The following ZNF730 variants were observed in gnomAD, a reference collection of about 807,000 sequenced individuals.
ZNF730 encodes putative zinc finger protein 730.
In ZNF730, 12 loss-of-function variants were observed where a neutral mutation model predicts 12.6. That is an observed-to-expected ratio of 0.95 (90% CI 0.61 to 1.54). The LOEUF (loss-of-function observed/expected upper bound fraction) is 1.54, where lower values mean the gene tolerates loss of function less well. ZNF730 is among the 40% of genes most tolerant of loss of function. The pLI, the probability that ZNF730 is intolerant of heterozygous loss-of-function variation, is 0.00. For synonymous variants in ZNF730, 194 were observed against 195.8 expected, an observed-to-expected ratio of 0.99 and a Z score of 0.08; for missense variants, 643 against 583.5, an observed-to-expected ratio of 1.10 and a Z score of -1.05.
chr19:23,082,492 G>A (rs1219570318), intron 1 of ZNF730, among the ~76,000 whole-genome samples: 1 of 151,242 alleles, frequency 6.6e-6, no homozygotes, highest in Non-Finnish European at 1.5e-5. Context: ...GATTACAGGC[G>A]CCCGCCTCCA....
chr19:23,089,275 C>T (rs1441819827), intron 1 of ZNF730, among the ~76,000 whole-genome samples: 3 of 150,042 alleles, frequency 2.0e-5, no homozygotes, highest in East Asian at 2.0e-4. Flanking sequence ...GGTGTGATCT[C>T]GGCTTCTGGC....
Position 23,146,344 on chromosome 19 carries a change from A to G in ZNF730, c.1300A>G (p.Asn434Asp). ...ATGTGAAGAATGTGGCAGAGCTTTCAACCAGTCCTCAACCCTTACTACACA... is the reference window on the plus strand; with the variant it reads ...ATGTGAAGAATGTGGCAGAGCTTTCGACCAGTCCTCAACCCTTACTACACA... Reference protein sequence around the residue: ...YKCEECGRAFNQSSTLTTHKR... With the variant: ...YKCEECGRAFDQSSTLTTHKR... Residue 434 changes from asparagine (N) to aspartate (D), a missense_variant, in exon 4 of 4, where the codon AAC (asparagine) becomes GAC (aspartate). Asn to Asp is a conservative substitution (Grantham distance 23). Coordinates refer to ENST00000597761, the MANE Select transcript of ZNF730 (RefSeq NM_001277403.2). 1 of 1,613,548 alleles carries G rather than the reference A, an allele frequency of 6.2e-7. No individual in the cohort carries two copies. The highest frequency in any genetic ancestry group is 1.3e-5 in the African/African-American group (1 of 74,870).
intron 1 of ZNF730, chr19:23,124,055 T>C (rs981861368): frequency 1.6e-4 from 24 of 152,214 alleles, no homozygotes; most frequent in Admixed American, 1.5e-3. Flanking sequence ...AGGCCTGCAG[T>C]CTCCTCTCCC....
chr19:23,119,515 A>T (rs928276262), intron 1 of ZNF730, among the ~76,000 whole-genome samples: 1 of 152,188 alleles, frequency 6.6e-6, no homozygotes. Flanking sequence ...TATCTCTGCC[A>T]GATTTTGGTA....
intron 1 of ZNF730, among the ~76,000 whole-genome samples, chr19:23,101,631 G>A (rs1216577808): frequency 6.6e-6 from 1 of 152,032 alleles, no homozygotes; most frequent in Non-Finnish European, 1.5e-5. Flanking sequence ...CCTTGATGGT[G>A]CAATCTCCGC....
Position 23,135,975 on chromosome 19 carries a change from T to A in ZNF730, c.158T>A (p.Ile53Asn). ...LGIAVSKPDL[I>N]TCLEQEKEPW... is the part of the protein sequence containing the mutation. ...ATTGCTGTCTCAAAGCCAGACCTGATCACCTGTCTGGAGCAAGAAAAAGAG... is the reference window on the plus strand; with the variant it reads ...ATTGCTGTCTCAAAGCCAGACCTGAACACCTGTCTGGAGCAAGAAAAAGAG... Residue 53 changes from isoleucine (I) to asparagine (N), a missense_variant, in exon 3 of 4, where the codon ATC becomes AAC. Coordinates refer to ENST00000597761, the MANE Select transcript of ZNF730 (RefSeq NM_001277403.2). 2 of 1,609,938 alleles carry A rather than the reference T, an allele frequency of 1.2e-6. No homozygotes were observed. The highest frequency in any genetic ancestry group is 2.7e-5 in the African/African-American group (2 of 74,840).
rs548259819 is a variant in ZNF730, at chr19:23,137,480, G to A, written c.226+1437G>A. Among the ~76,000 whole-genome samples, 4 of 152,224 alleles carry A rather than the reference G, an allele frequency of 2.6e-5. No homozygotes were observed. In the South Asian group the frequency reaches 6.2e-4, roughly 24 times the overall value. ...ATTATTACTTTAATCAGGTTTTAATGTACTGTTTATGGTTTTTTATATATA... is the reference window on the plus strand; with the variant it reads ...ATTATTACTTTAATCAGGTTTTAATATACTGTTTATGGTTTTTTATATATA... On this transcript the variant is annotated intron_variant, in intron 3 of 3. Transcript: ENST00000597761.
intron 1 of ZNF730, among the ~76,000 whole-genome samples, chr19:23,083,924 G>A (rs910965424): frequency 1.3e-5 from 2 of 152,042 alleles, no homozygotes; most frequent in African/African-American, 4.8e-5. Context: ...TTAGCTTGAT[G>A]TAATCTCATT....
intron 1 of ZNF730, chr19:23,126,731 A>T: frequency 2.1e-6 from 1 of 467,320 alleles, no homozygotes; most frequent in Non-Finnish European, 4.2e-6. Flanking sequence ...TTGCAGACTG[A>T]GATTTTTTTT....
At chr19:23,136,519 C>T (rs1045095740) in intron 3 of ZNF730, among the ~76,000 whole-genome samples, 2 of 152,154 alleles carry the variant, frequency 1.3e-5, no homozygotes, top group Admixed American at 6.5e-5. Flanking sequence ...ATTCTCCTGC[C>T]TCAGCCTCCT....
intron 3 of ZNF730, among the ~76,000 whole-genome samples, chr19:23,139,280 AG>A (rs1157660485): frequency 6.6e-6 from 1 of 152,128 alleles, no homozygotes; most frequent in African/African-American, 2.4e-5. Flanking sequence ...TTTGCTTCTA[AG>A]CTTGGATTAC....
chr19:23,136,109 AC>A, intron 3 of ZNF730, 66 bp downstream of exon 3: 1 of 1,202,564 alleles, frequency 8.3e-7, no homozygotes. Context: ...AAGAAAAAAA[AC>A]CAGTTTTTAA....
intron 1 of ZNF730, chr19:23,126,994 T>A (rs577344394): frequency 2.0e-6 from 1 of 505,378 alleles, no homozygotes; most frequent in South Asian, 1.5e-5. Context: ...TCTGAAACTT[T>A]GAGAAAAAAC....
intron 3 of ZNF730, among the ~76,000 whole-genome samples, chr19:23,137,672 G>C (rs1311071731): frequency 6.6e-6 from 1 of 152,202 alleles, no homozygotes; most frequent in Admixed American, 6.5e-5. Context: ...TGAATTTTAA[G>C]AAGCAAACAC....
intron 1 of ZNF730, among the ~76,000 whole-genome samples, chr19:23,093,020 A>T (rs1321038150): frequency 6.6e-6 from 1 of 151,888 alleles, no homozygotes; most frequent in Non-Finnish European, 1.5e-5. Context: ...GACAAAACAA[A>T]ACTCTTGTCA....
At chr19:23,086,148 C>T (rs1970061622) in intron 1 of ZNF730, among the ~76,000 whole-genome samples, 1 of 152,092 alleles carries the variant, frequency 6.6e-6, no homozygotes, top group African/African-American at 2.4e-5. Flanking sequence ...CGGCCCCACC[C>T]AATTTTTAAT....
At chr19:23,103,901 T>G (rs561903244) in intron 1 of ZNF730, among the ~76,000 whole-genome samples, 6 of 152,318 alleles carry the variant, frequency 3.9e-5, no homozygotes, top group South Asian at 4.1e-4. Context: ...AGTGTTGTCT[T>G]GTCTTAATTA....
chr19:23,106,931 A>G (rs181396525), intron 1 of ZNF730, among the ~76,000 whole-genome samples: 15 of 152,208 alleles, frequency 9.9e-5, no homozygotes, highest in Admixed American at 2.0e-4. Context: ...CATATGAATT[A>G]GCAATTTTTA....
chr19:23,076,587 AG>A (rs1266451113), intron 1 of ZNF730, among the ~76,000 whole-genome samples: 13 of 152,266 alleles, frequency 8.5e-5, no homozygotes, highest in African/African-American at 2.6e-4. Context: ...CATTTCTTAG[AG>A]GGCAGCCTGA....
Sources: allele counts gnomAD v4.1 joint callset (sites outside exome capture counted in the v4.1 genomes callset), GRCh38; gene constraint gnomAD v4.1.1; transcripts MANE v1.5; gene names NCBI Gene and HGNC (gene_info 2026-07-23, HGNC 2026-07-21).